Variants in GRIP1 observed in about 807,000 individuals in gnomAD.
GRIP1 encodes the protein glutamate receptor-interacting protein 1.
GRIP1 carries 45 observed loss-of-function variants against 129.9 expected under a neutral mutation model. The ratio of observed to expected loss-of-function variants is 0.35; its 90% CI spans 0.27 to 0.44. The LOEUF (loss-of-function observed/expected upper bound fraction) is 0.44. Ranked by LOEUF, GRIP1 falls within the 20% of genes least tolerant of loss-of-function variation. The pLI is 1.00. For synonymous variants in GRIP1, 530 were observed against 520.8 expected (o/e 1.02, Z -0.24); for missense variants, 1,196 against 1,396.8 (o/e 0.86, Z 2.29).
At chr12:66,731,491 T>C (rs774837306) in intron 1 of GRIP1, among the ~76,000 whole-genome samples, 2 of 152,224 alleles carry the variant, frequency 1.3e-5, no homozygotes, top group South Asian at 2.1e-4. Context: ...AGTTGTCCAA[T>C]GAGACCTGTT....
rs552787732 is a variant in GRIP1 at position 66,952,293 on chromosome 12, T to G, written c.58+116757A>C. 6.6e-4 allele frequency among the ~76,000 whole-genome samples: 101 copies of G among 152,298 alleles called. 2 individuals are homozygous for G. The highest frequency in any genetic ancestry group is 2.2e-3 in the African/African-American group (91 of 41,568). ...AGGGAGTGGCCATCAGATAGAATGC[T>G]GGTGAGAGACTAAACAAGAGGAAGA... is the stretch of plus-strand genomic sequence containing the variant. On this transcript the variant is annotated intron_variant, in intron 1 of 1. Coordinates refer to the GRIP1 transcript ENST00000643019.
chr12:66,428,368 A>G (rs114442812), intron 14 of GRIP1, among the ~76,000 whole-genome samples: 1,639 of 152,298 alleles, frequency 0.011, 28 homozygotes, highest in African/African-American at 0.038. Flanking sequence ...AACTTAGGGG[A>G]AAAATGACAG....
chr12:66,371,757 G>A lies in GRIP1; in HGVS notation c.2949C>T (p.Thr983=), dbSNP rs765435720. The A allele has an allele frequency of 8.1e-6, 13 of 1,613,916 alleles. No individual in the cohort carries two copies. In the Admixed American group the frequency reaches 1.2e-4, roughly 14 times the overall value. The change falls in exon 23 of 25, where the codon ACC becomes ACT. Residue 983 remains threonine, a synonymous_variant. Transcript: ENST00000359742. The stretch of plus-strand genomic sequence containing the variant: ...TTATTTCTTGTTTCATTTTTCTCAG[G>A]GTTACTGACTTCCTACCCACATCTG... ...LPSDVGRKSV[T]LRKMKQEIKE...
At chr12:66,408,424 A>G (rs540953259) in intron 15 of GRIP1, among the ~76,000 whole-genome samples, 1 of 152,292 alleles carries the variant, frequency 6.6e-6, no homozygotes, top group East Asian at 1.9e-4. Context: ...GGTTGCAGTG[A>G]GCCGATTGCA....
At chr12:66,952,174 C>A (rs1204259920) in intron 1 of GRIP1, among the ~76,000 whole-genome samples, 1 of 151,926 alleles carries the variant, frequency 6.6e-6, no homozygotes, top group Non-Finnish European at 1.5e-5. Context: ...TGAGGGACTG[C>A]CAGATGAACA....
At chr12:66,813,158 C>A (rs2039136089) in intron 1 of GRIP1, among the ~76,000 whole-genome samples, 1 of 152,106 alleles carries the variant, frequency 6.6e-6, no homozygotes, top group African/African-American at 2.4e-5. Flanking sequence ...GCATCTGCTT[C>A]TGGTGAAGGC....
chr12:66,492,961 G>A (rs2060143091), intron 7 of GRIP1, among the ~76,000 whole-genome samples: 1 of 152,138 alleles, frequency 6.6e-6, no homozygotes, highest in Admixed American at 6.5e-5. Flanking sequence ...AGTGAACCAA[G>A]ACCATGCCAC....
chr12:66,420,395 T>C (rs994661960), intron 15 of GRIP1, among the ~76,000 whole-genome samples: 1 of 148,442 alleles, frequency 6.7e-6, no homozygotes, highest in African/African-American at 2.5e-5. Context: ...GTACCTCTAA[T>C]AAGTGCTGCT....
chr12:66,467,715 C>A (rs541130606), intron 7 of GRIP1, among the ~76,000 whole-genome samples: 2 of 152,226 alleles, frequency 1.3e-5, no homozygotes, highest in Admixed American at 1.3e-4. Context: ...TCCTTCTGTT[C>A]CTTAAGCACG....
chr12:66,853,403 C>A lies in GRIP1; in HGVS notation c.58+215647G>T, dbSNP rs571730811. On this transcript the variant is annotated intron_variant, in intron 1 of 1. Transcript: ENST00000643019. ...CCAAAATGAATTATAGAGAAACTAG[C>A]AGGGCAAACTGTTTGACTGAACTTC... Among the ~76,000 whole-genome samples, 298 of 152,046 alleles carry A rather than the reference C, an allele frequency of 2.0e-3. 2 individuals are homozygous for A. Among genetic ancestry groups the A allele is most frequent in the African/African-American group, 6.7e-3 (280 of 41,496 alleles).
chr12:66,870,049 A>G (rs2137149850), intron 1 of GRIP1, among the ~76,000 whole-genome samples: 1 of 152,240 alleles, frequency 6.6e-6, no homozygotes, highest in South Asian at 2.1e-4. Flanking sequence ...AGATGCCAGT[A>G]ACACCTTCCC....
chr12:66,507,905 A>G (rs892729739), intron 7 of GRIP1, among the ~76,000 whole-genome samples: 1 of 152,144 alleles, frequency 6.6e-6, no homozygotes, highest in Non-Finnish European at 1.5e-5. Flanking sequence ...TCAGTATCTA[A>G]GACTACAGAT....
chr12:66,451,383 GTTTTTTTT>G (rs1169331519), intron 11 of GRIP1, among the ~76,000 whole-genome samples: 25 of 42,630 alleles, frequency 5.9e-4, no homozygotes, highest in African/African-American at 2.1e-3. Context: ...ATTATAATCT[GTTTTTTTT>G]TTTTTTTTTT....
intron 1 of GRIP1, among the ~76,000 whole-genome samples, chr12:67,000,372 G>A (rs569489732): frequency 8.5e-5 from 13 of 152,120 alleles, no homozygotes; most frequent in Admixed American, 4.6e-4. Flanking sequence ...ATTTTTTCTA[G>A]CTAAATAACA....
At chr12:66,838,148 G>A (rs1217255049) in intron 1 of GRIP1, among the ~76,000 whole-genome samples, 1 of 147,248 alleles carries the variant, frequency 6.8e-6, no homozygotes, top group East Asian at 2.0e-4. Flanking sequence ...TCAGGCCACT[G>A]CACTCCAGCC....
chr12:66,639,083 A>C (rs1413825559), intron 1 of GRIP1, among the ~76,000 whole-genome samples: 3 of 152,192 alleles, frequency 2.0e-5, no homozygotes, highest in Non-Finnish European at 4.4e-5. Context: ...TGGCATTATT[A>C]TTAGTAGCAG....
rs546566230 is a variant in GRIP1, at chr12:66,901,707, A to G, written c.58+167343T>C. 1.1e-4 allele frequency among the ~76,000 whole-genome samples: 16 copies of G among 152,306 alleles called. No homozygotes were observed. The South Asian group carries it at 3.3e-3, about 32-fold the overall frequency. On this transcript the variant is annotated intron_variant, in intron 1 of 1. Transcript: ENST00000643019. ...CTACCTGAGACTTACTGTTCTGCAA[A>G]TGACACCTAAACCACAGGTCCAAGT... is the stretch of plus-strand genomic sequence containing the variant.
intron 1 of GRIP1, among the ~76,000 whole-genome samples, chr12:66,647,110 T>A (rs981852444): frequency 6.6e-6 from 1 of 152,186 alleles, no homozygotes; most frequent in African/African-American, 2.4e-5. Context: ...TTAACCATTG[T>A]GCTAGACTCC....
chr12:67,066,891 TATATATA>T (rs2043637948), intron 1 of GRIP1, among the ~76,000 whole-genome samples: 1 of 126,802 alleles, frequency 7.9e-6, no homozygotes, highest in Non-Finnish European at 1.6e-5. Flanking sequence ...TATATATTTA[TATATATA>T]TATATATATA....
Sources: gnomAD v4.1 joint callset for allele counts (sites outside exome capture counted in the v4.1 genomes callset) on GRCh38, gnomAD v4.1.1 for gene constraint, MANE v1.5 for transcripts, NCBI Gene and HGNC (gene_info 2026-07-23, HGNC 2026-07-21) for gene names.